Variants in CLINT1 observed in about 807,000 individuals in gnomAD.
The protein encoded by CLINT1 is clathrin interacting protein localized in the trans-Golgi region.
CLINT1 carries 15 observed loss-of-function variants against 70.4 expected under a neutral mutation model. The observed-to-expected ratio is 0.21, with a 90% CI of 0.14 to 0.33. The LOEUF is 0.33. Among genes scored for constraint, CLINT1 ranks in the 10% least tolerant of loss-of-function variants. The pLI is 1.00. For synonymous variants in CLINT1, 227 were observed against 254.7 expected, an observed-to-expected ratio of 0.89 and a Z score of 1.04; for missense variants, 615 against 778.1, an observed-to-expected ratio of 0.79 and a Z score of 2.49.
chr5:157,808,257 AG>A (rs1762445417), intron 6 of CLINT1, among the ~76,000 whole-genome samples: 1 of 152,106 alleles, frequency 6.6e-6, no homozygotes, highest in South Asian at 2.1e-4. Flanking sequence ...CAGGCATTCC[AG>A]GGATTTAAAA....
intron 9 of CLINT1, among the ~76,000 whole-genome samples, chr5:157,794,354 GTTTT>G (rs146407419): frequency 6.6e-6 from 1 of 151,924 alleles, no homozygotes. Flanking sequence ...TGTTTGAATG[GTTTT>G]TTTGTTTTAA....
chr5:157,840,061 A>T (rs953496225), intron 1 of CLINT1, among the ~76,000 whole-genome samples: 1 of 151,876 alleles, frequency 6.6e-6, no homozygotes, highest in African/African-American at 2.4e-5. Flanking sequence ...TTAGCTGGGC[A>T]TGATGGGCCT....
Position 157,859,057 on chromosome 5 carries a change from G to A in CLINT1, c.-87C>T. 1 of 1,494,138 alleles carries A rather than the reference G, an allele frequency of 6.7e-7. No homozygotes were observed. The allele number at this position is 1,494,138 out of a possible 1,614,324, so 92.6% of individuals were successfully genotyped here. A position where few individuals can be genotyped will look rare whatever the true frequency, so the allele number is the denominator to read the frequency against. On this transcript the variant is annotated 5_prime_UTR_variant, in exon 1 of 12. Transcript: ENST00000411809. ...TTCCGTACCGGGGCAGTTCCAGGCC[G>A]GGGTCACCGCCGCCCGCCGCCTCGA...
intron 9 of CLINT1, 47 bp from the exon 10 acceptor site, chr5:157,792,042 A>G (rs1761929690): frequency 6.6e-7 from 1 of 1,511,992 alleles, no homozygotes; most frequent in African/African-American, 1.4e-5. Flanking sequence ...TGGAATGCAC[A>G]GAACAAATGT....
intron 1 of CLINT1, among the ~76,000 whole-genome samples, chr5:157,832,015 T>C (rs1401730449): frequency 1.3e-5 from 2 of 151,344 alleles, no homozygotes; most frequent in Non-Finnish European, 2.9e-5. Context: ...TAAGACAGAG[T>C]CTCGCACTGT....
In CLINT1 at chr5:157,809,722, A is replaced by G; in HGVS notation, c.601T>C (p.Leu201=). 6.2e-7 allele frequency: 1 copy of G among 1,613,564 alleles called. No individual in the cohort carries two copies. Among genetic ancestry groups the G allele is most frequent in the East Asian group, 2.2e-5 (1 of 44,860 alleles). The change falls in exon 6 of 12, where the codon TTA becomes CTA. Residue 201 remains leucine, a synonymous_variant. Coordinates refer to ENST00000411809, the MANE Select transcript of CLINT1 (RefSeq NM_014666.4). ...NKSAFPFSDK[L]GELSDKIGST... ...CCAATTTTATCACTCAGCTCACCTA[A>G]TTTATCACTGAATGGAAAAGCACTC...
At chr5:157,797,688 G>A (rs1201564240) in intron 8 of CLINT1, among the ~76,000 whole-genome samples, 9 of 152,122 alleles carry the variant, frequency 5.9e-5, no homozygotes, top group Admixed American at 5.9e-4. Flanking sequence ...CCCTGGTGGA[G>A]TTAGGGATTT....
chr5:157,844,852 A>G (rs965180125), intron 1 of CLINT1, among the ~76,000 whole-genome samples: 30 of 152,360 alleles, frequency 2.0e-4, no homozygotes, highest in African/African-American at 7.0e-4. Flanking sequence ...ATTTTTTACA[A>G]TTGCTTACAG....
intron 1 of CLINT1, among the ~76,000 whole-genome samples, chr5:157,831,644 A>C (rs1763247305): frequency 6.6e-6 from 1 of 151,812 alleles, no homozygotes; most frequent in Non-Finnish European, 1.5e-5. Context: ...AGGATATAGG[A>C]GATAATAAAA....
At position 157,829,195 on chromosome 5, in the gene CLINT1, C is replaced by T. The variant is rs560552889; in HGVS notation, c.42-11648G>A. On this transcript the variant is annotated intron_variant, in intron 1 of 11. Coordinates refer to ENST00000411809, the MANE Select transcript of CLINT1 (RefSeq NM_014666.4). ...GCCAGAAGGTAAGGGTGTCAAGTTG[C>T]TCTCTGCCCCTAGGCTAGCTGTGGA... 4.6e-5 allele frequency among the ~76,000 whole-genome samples: 7 copies of T among 152,274 alleles called. No individual in the cohort carries two copies. The East Asian group carries it at 1.4e-3, about 29-fold the overall frequency.
intron 1 of CLINT1, among the ~76,000 whole-genome samples, chr5:157,853,310 T>G (rs573139953): frequency 6.7e-6 from 1 of 149,308 alleles, no homozygotes; most frequent in East Asian, 2.0e-4. Context: ...ACCATGGCAC[T>G]CCAGCCTGGG....
intron 1 of CLINT1, among the ~76,000 whole-genome samples, chr5:157,821,059 A>C (rs1195067356): frequency 6.6e-6 from 1 of 152,024 alleles, no homozygotes; most frequent in Non-Finnish European, 1.5e-5. Flanking sequence ...ATCTCTTTAC[A>C]CTTAGTTGTT....
At chr5:157,850,017 G>A (rs908654969) in intron 1 of CLINT1, among the ~76,000 whole-genome samples, 12 of 152,142 alleles carry the variant, frequency 7.9e-5, no homozygotes, top group African/African-American at 2.7e-4. Context: ...AAATAGTGAC[G>A]AGTGTGAGTG....
rs374761013 is a variant in CLINT1, at chr5:157,816,795, A to G, written c.182T>C (p.Met61Thr). 5.0e-6 allele frequency: 8 copies of G among 1,611,094 alleles called. No individual in the cohort carries two copies. The highest frequency in any genetic ancestry group is 4.5e-5 in the East Asian group (2 of 44,636). ...TFMYEQFPEL[M>T]NMLWSRMLKD... ...TAACATTCGTGACCAAAGCATGTTC[A>G]TAAGTTCTGGAAATTGTTCATACAT... Residue 61 changes from methionine to threonine, a missense_variant, in exon 3 of 12, where the codon ATG becomes ACG. Met to Thr is a moderately conservative substitution (Grantham distance 81). Around this residue, in one of 2 missense-constraint regions of CLINT1, gnomAD observed 241 missense variants for 368.6 expected, o/e 0.65. Transcript: ENST00000411809.
intron 9 of CLINT1, 102 bp from the exon 10 acceptor site, chr5:157,792,097 C>A (rs1761932086): frequency 6.4e-6 from 6 of 942,244 alleles, no homozygotes; most frequent in Non-Finnish European, 8.0e-6. Flanking sequence ...CTGAGTCCCC[C>A]AGATTAACAT....
At chr5:157,813,268 C>T (rs1456804979) in intron 4 of CLINT1, 41 bp from the exon 5 acceptor site, 4 of 1,557,962 alleles carry the variant, frequency 2.6e-6, no homozygotes, top group African/African-American at 2.7e-5. Flanking sequence ...TAAGAATTCA[C>T]TTAATATGTA....
At chr5:157,797,105 C>T (rs1227995191) in intron 8 of CLINT1, among the ~76,000 whole-genome samples, 1 of 152,022 alleles carries the variant, frequency 6.6e-6, no homozygotes, top group African/African-American at 2.4e-5. Context: ...ATGTTTAAAC[C>T]ATTTAAACAA....
At chr5:157,843,029 C>T (rs1753243032) in intron 1 of CLINT1, among the ~76,000 whole-genome samples, 1 of 151,336 alleles carries the variant, frequency 6.6e-6, no homozygotes, top group Non-Finnish European at 1.5e-5. Flanking sequence ...ATCAAATATC[C>T]AAGGTACTCA....
At position 157,793,426 on chromosome 5, in the gene CLINT1, G is replaced by A. The variant is rs564206841; in HGVS notation, c.1088-1431C>T. 3.3e-5 allele frequency among the ~76,000 whole-genome samples: 5 copies of A among 152,210 alleles called. No individual in the cohort carries two copies. In the South Asian group the frequency reaches 6.2e-4, roughly 19 times the overall value. On this transcript the variant is annotated intron_variant, in intron 9 of 11. Coordinates refer to ENST00000411809, the MANE Select transcript of CLINT1 (RefSeq NM_014666.4). ...GAAATGATTAATCGTGGGAGGAAAC[G>A]ATTTCTAGTGGGGCATATATTATTC...
Sources: gnomAD v4.1 joint callset for allele counts (sites outside exome capture counted in the v4.1 genomes callset) on GRCh38, gnomAD v4.1.1 for gene constraint, gnomAD v4.1.1 regional missense constraint, MANE v1.5 for transcripts, NCBI Gene and HGNC (gene_info 2026-07-23, HGNC 2026-07-21) for gene names.